AKAP9: variants seen among roughly 807,000 people sequenced by gnomAD.
AKAP9 encodes the protein A-kinase anchor protein 9.
A neutral mutation model predicts 488.5 loss-of-function variants in AKAP9; 311 were observed. The observed-to-expected ratio is 0.64, with a 90% confidence interval of 0.58 to 0.70. The LOEUF (loss-of-function observed/expected upper bound fraction) is 0.70. AKAP9 is among the 30% of genes least tolerant of loss of function. The pLI, the probability that AKAP9 is intolerant of heterozygous loss-of-function variation, is 0.00. For synonymous variants in AKAP9, 1,462 were observed against 1,483.5 expected (o/e 0.99, Z 0.33); for missense variants, 4,215 against 4,374.5 (o/e 0.96, Z 1.03).
At position 92,108,569 on chromosome 7, in the gene AKAP9, A is replaced by G; in HGVS notation, c.11622A>G (p.Arg3874=). 1 of 1,614,194 alleles carries G rather than the reference A, an allele frequency of 6.2e-7. No homozygotes were observed. The highest frequency in any genetic ancestry group is 8.5e-7 in the Non-Finnish European group (1 of 1,180,026). The change falls in exon 49 of 50, where the codon AGA becomes AGG. Residue 3874 remains arginine, a synonymous_variant. Coordinates refer to ENST00000356239, the MANE Select transcript of AKAP9 (RefSeq NM_005751.5). ...CSQLQNYDPD[R]ALTDYITRLE... is the part of the protein sequence containing the mutation. ...AGCTTCAGAATTACGATCCTGACAGAGCCCTAACAGATTATATCACTCGGC... is the reference window on the plus strand; with the variant it reads ...AGCTTCAGAATTACGATCCTGACAGGGCCCTAACAGATTATATCACTCGGC...
chr7:92,064,584 T>C (rs1202690780), intron 24 of AKAP9, among the ~76,000 whole-genome samples: 1 of 152,114 alleles, frequency 6.6e-6, no homozygotes, highest in Non-Finnish European at 1.5e-5. Context: ...TGAGCTAGGT[T>C]GGGCCTACGG....
intron 1 of AKAP9, among the ~76,000 whole-genome samples, chr7:91,969,770 C>A (rs1238920301): frequency 6.6e-6 from 1 of 152,144 alleles, no homozygotes; most frequent in African/African-American, 2.4e-5. Flanking sequence ...TCCTTTTCCA[C>A]CCCTTCACTT....
rs775529620 is a variant in AKAP9 at position 91,973,722 on chromosome 7, T to C, written c.60T>C (p.Phe20=). ...TTCTTTTTTCTTAGCTTGCCCAGTT[T>C]CGACAAAGAAAAGCTCAGTCGGATG... ...LEAGKAKLAQ[F]RQRKAQSDGQ... Residue 20 remains phenylalanine, a synonymous_variant, in exon 2 of 50, where the codon TTT becomes TTC. Coordinates refer to ENST00000356239, the MANE Select transcript of AKAP9 (RefSeq NM_005751.5). 1 of 1,614,058 alleles carries C rather than the reference T, an allele frequency of 6.2e-7. No homozygotes were observed. The highest frequency in any genetic ancestry group is 1.1e-5 in the South Asian group (1 of 91,062).
At chr7:92,004,988 C>A (rs956971035) in intron 8 of AKAP9, among the ~76,000 whole-genome samples, 1 of 152,188 alleles carries the variant, frequency 6.6e-6, no homozygotes, top group Non-Finnish European at 1.5e-5. Flanking sequence ...TTGAGATATG[C>A]CCCATCAGTA....
At chr7:92,074,401 T>C (rs549135049) in intron 28 of AKAP9, among the ~76,000 whole-genome samples, 2 of 152,302 alleles carry the variant, frequency 1.3e-5, no homozygotes, top group East Asian at 3.9e-4. Flanking sequence ...GGAACACCTT[T>C]ACACTGTTGA....
At chr7:92,092,009 A>G (rs1815721609) in intron 38 of AKAP9, 1 of 152,202 alleles carries the variant, frequency 6.6e-6, no homozygotes, top group Non-Finnish European at 1.5e-5. Flanking sequence ...TATTTATGGT[A>G]GAATACAGAA....
chr7:91,975,925 G>GT (rs34121912), intron 2 of AKAP9, among the ~76,000 whole-genome samples: 7,711 of 73,654 alleles, frequency 0.1, 306 homozygotes, highest in Non-Finnish European at 0.16. Flanking sequence ...TTGTTTGTTT[G>GT]TTTTTTTTTT....
At chr7:91,988,731 T>C (rs1797408040) in intron 3 of AKAP9, among the ~76,000 whole-genome samples, 1 of 152,208 alleles carries the variant, frequency 6.6e-6, no homozygotes, top group African/African-American at 2.4e-5. Context: ...AAGTCCTGTT[T>C]ACATACTTCA....
At chr7:91,975,728 T>G (rs1795580005) in intron 2 of AKAP9, among the ~76,000 whole-genome samples, 1 of 151,274 alleles carries the variant, frequency 6.6e-6, no homozygotes, top group Non-Finnish European at 1.5e-5. Flanking sequence ...AGCATTCAGG[T>G]TTTTTTTTAA....
At chr7:91,999,018 T>C (rs1392342825) in intron 7 of AKAP9, among the ~76,000 whole-genome samples, 2 of 152,124 alleles carry the variant, frequency 1.3e-5, no homozygotes, top group Non-Finnish European at 2.9e-5. Flanking sequence ...CATGGTAATA[T>C]TGGGTGGGAT....
rs139337441 is a variant in AKAP9, at chr7:92,022,334, A to G, written c.3934A>G (p.Thr1312Ala). ...TEFLSIHSQMTNLEDIDVNHK... is the reference protein window; with the variant it reads ...TEFLSIHSQMANLEDIDVNHK... The stretch of plus-strand genomic sequence containing the variant: ...GTTTTTATCAATCCATTCTCAGATG[A>G]CCAATTTGGAAGACATTGGTAAATT... Residue 1312 changes from threonine (T) to alanine (A), a missense_variant, in exon 13 of 50, where the codon ACC becomes GCC. By Grantham distance (58) the Thr-to-Ala change is moderately conservative (BLOSUM62 0). This residue lies in a region of AKAP9 where 2,361 missense variants were observed against 2,430.0 expected (regional missense o/e 0.97). Coordinates refer to ENST00000356239, the MANE Select transcript of AKAP9 (RefSeq NM_005751.5). 6.2e-7 allele frequency: 1 copy of G among 1,608,654 alleles called. No homozygotes were observed. Among genetic ancestry groups the G allele is most frequent in the Non-Finnish European group, 8.5e-7 (1 of 1,175,218 alleles).
At chr7:91,950,983 GA>G (rs1173276128) in intron 1 of AKAP9, among the ~76,000 whole-genome samples, 3 of 151,950 alleles carry the variant, frequency 2.0e-5, no homozygotes, top group Non-Finnish European at 2.9e-5. Flanking sequence ...ATTTCACAAT[GA>G]AAATTCATAT....
At chr7:91,990,978 A>T (rs114236827) in intron 3 of AKAP9, among the ~76,000 whole-genome samples, 4 of 151,614 alleles carry the variant, frequency 2.6e-5, no homozygotes, top group Non-Finnish European at 5.9e-5. Context: ...CCCTTTGAAC[A>T]TACAGTGGAT....
At chr7:92,093,015 A>C in intron 38 of AKAP9, 82 bp from the exon 39 acceptor site, 4 of 1,231,374 alleles carry the variant, frequency 3.2e-6, no homozygotes, top group Non-Finnish European at 2.3e-6. Flanking sequence ...CTTAACTACA[A>C]ATCAGTTCTT....
intron 14 of AKAP9, 132 bp downstream of exon 14, chr7:92,023,141 A>G: frequency 1.1e-6 from 1 of 879,230 alleles, no homozygotes; most frequent in Non-Finnish European, 1.9e-6. Flanking sequence ...AGCATTTTTT[A>G]GAAAGAAGAG....
chr7:91,970,579 A>C, intron 1 of AKAP9: 1 of 440,786 alleles, frequency 2.3e-6, no homozygotes, highest in Non-Finnish European at 4.5e-6. Context: ...TTGTATTTGA[A>C]GGATAGCTTT....
rs61757669 is a variant in AKAP9 at position 92,022,915 on chromosome 7, C to G, written c.4054C>G (p.Gln1352Glu). ...AGAAAGCCTCATATCCTCTTTGCAG[C>G]AACAGTTGAAAGAAACTGAACAAAA... ...ELESLISSLQ[Q>E]QLKETEQNYE... The change falls in exon 14 of 50, where the codon CAA becomes GAA. Residue 1352 changes from glutamine (Q) to glutamate (E), a missense_variant. Physicochemically the swap from Gln to Glu is conservative, Grantham distance 29. Transcript: ENST00000356239. 7 of 1,613,746 alleles carry G rather than the reference C, an allele frequency of 4.3e-6. No individual in the cohort carries two copies. The highest frequency in any genetic ancestry group is 5.9e-6 in the Non-Finnish European group (7 of 1,179,704).
At chr7:92,018,530 G>C (rs1478056888) in intron 12 of AKAP9, among the ~76,000 whole-genome samples, 2 of 151,968 alleles carry the variant, frequency 1.3e-5, no homozygotes, top group Non-Finnish European at 2.9e-5. Flanking sequence ...GTCCCCAAAA[G>C]AGCACTTTTA....
At chr7:92,034,984 A>G (rs1804951577) in intron 16 of AKAP9, among the ~76,000 whole-genome samples, 2 of 151,994 alleles carry the variant, frequency 1.3e-5, no homozygotes, top group African/African-American at 4.8e-5. Flanking sequence ...TCTTTTTGAT[A>G]TCCTTTTTCT....
Sources: allele counts gnomAD v4.1 joint callset (sites outside exome capture counted in the v4.1 genomes callset), GRCh38; gene constraint gnomAD v4.1.1; regional missense constraint gnomAD v4.1.1; transcripts MANE v1.5; gene names NCBI Gene and HGNC (gene_info 2026-07-23, HGNC 2026-07-21).